PDCL2: variants seen among roughly 807,000 people sequenced by gnomAD.
The protein encoded by PDCL2 is phosducin like 2.
In PDCL2, 23 loss-of-function variants were observed where a neutral mutation model predicts 30.3. That is an observed-to-expected ratio of 0.76 (90% confidence interval 0.55 to 1.08). The LOEUF (loss-of-function observed/expected upper bound fraction) is 1.08. Among genes scored for constraint, PDCL2 ranks in the 50% least tolerant of loss-of-function variants. The probability of loss-of-function intolerance (pLI) is 0.00; values close to 1 mark genes in which losing one functional copy is unlikely to be tolerated. For missense variants in PDCL2, 243 were observed against 282.3 expected, an observed-to-expected ratio of 0.86 and a Z score of 1.00; for synonymous variants, 68 against 86.2, an observed-to-expected ratio of 0.79 and a Z score of 1.17.
chr4:55,561,292 AGG>A (rs1732126612), intron 5 of PDCL2, among the ~76,000 whole-genome samples: 3 of 152,072 alleles, frequency 2.0e-5, no homozygotes, highest in Non-Finnish European at 4.4e-5. Context: ...CCAGGGGCAG[AGG>A]CTCACGTCCG....
intron 1 of PDCL2, among the ~76,000 whole-genome samples, chr4:55,585,248 C>A (rs1732829940): frequency 6.6e-6 from 1 of 152,146 alleles, no homozygotes; most frequent in Admixed American, 6.6e-5. Flanking sequence ...AGATTTAGGG[C>A]TGGGTGCAGT....
chr4:55,590,485 C>G (rs1031249021), intron 1 of PDCL2, among the ~76,000 whole-genome samples: 3 of 137,616 alleles, frequency 2.2e-5, no homozygotes, highest in African/African-American at 8.2e-5. Flanking sequence ...AAGACATGAA[C>G]TATGAATTTT....
intron 4 of PDCL2, among the ~76,000 whole-genome samples, chr4:55,566,032 G>C (rs28673496): frequency 0.32 from 41,473 of 128,430 alleles, 6,537 homozygotes; most frequent in Middle Eastern, 0.52. Context: ...CCAGGCTAGA[G>C]TACAGTGATG....
intron 1 of PDCL2, among the ~76,000 whole-genome samples, chr4:55,586,413 A>C (rs1373115967): frequency 2.6e-5 from 4 of 152,154 alleles, no homozygotes; most frequent in Non-Finnish European, 4.4e-5. Context: ...TGTGTACTTC[A>C]TGCAGGTGGA....
chr4:55,561,232 C>T (rs1732124802), intron 5 of PDCL2, among the ~76,000 whole-genome samples: 1 of 151,984 alleles, frequency 6.6e-6, no homozygotes, highest in Non-Finnish European at 1.5e-5. Context: ...AGGGCAAAAA[C>T]AGCTTTGGGG....
chr4:55,591,855 A>G (rs1733012049), intron 1 of PDCL2, among the ~76,000 whole-genome samples: 1 of 152,250 alleles, frequency 6.6e-6, no homozygotes, highest in African/African-American at 2.4e-5. Context: ...TGTGAAACAC[A>G]ATACGTAACA....
At chr4:55,574,848 T>C (rs965125376) in intron 3 of PDCL2, among the ~76,000 whole-genome samples, 1 of 152,218 alleles carries the variant, frequency 6.6e-6, no homozygotes, top group African/African-American at 2.4e-5. Context: ...TTAGATTGTT[T>C]CCATTTTGAG....
intron 5 of PDCL2, among the ~76,000 whole-genome samples, chr4:55,558,795 A>G (rs1017955169): frequency 3.9e-5 from 6 of 152,228 alleles, no homozygotes; most frequent in African/African-American, 1.2e-4. Context: ...CTTTTATCTG[A>G]CAATTGAAAT....
intron 5 of PDCL2, among the ~76,000 whole-genome samples, chr4:55,558,712 G>A (rs1732048629): frequency 6.6e-6 from 1 of 152,088 alleles, no homozygotes; most frequent in African/African-American, 2.4e-5. Context: ...AATACAGAAA[G>A]CTTTTCAAAA....
At chr4:55,577,523 A>T (rs1266561280) in intron 3 of PDCL2, among the ~76,000 whole-genome samples, 4 of 152,164 alleles carry the variant, frequency 2.6e-5, no homozygotes, top group Admixed American at 6.5e-5. Context: ...TCCTCTGGCA[A>T]CCAGCCCTCA....
At chr4:55,581,060 C>T (rs1732697204) in intron 2 of PDCL2, 149 bp from the exon 3 acceptor site, 1 of 529,620 alleles carries the variant, frequency 1.9e-6, no homozygotes. Context: ...TTTGATAGGT[C>T]GAGGTGGGTG....
At chr4:55,579,769 A>C (rs1371771413) in intron 3 of PDCL2, among the ~76,000 whole-genome samples, 1 of 152,064 alleles carries the variant, frequency 6.6e-6, no homozygotes, top group Non-Finnish European at 1.5e-5. Context: ...AGCCTCAAGC[A>C]ATCCTCCCAC....
Position 55,582,198 on chromosome 4 carries a change from C to T in PDCL2, c.46G>A (p.Asp16Asn), listed in dbSNP as rs755071043. 2.5e-6 allele frequency: 4 copies of T among 1,611,770 alleles called. No individual in the cohort carries two copies. In the East Asian group the frequency reaches 8.9e-5, roughly 36 times the overall value. Residue 16 changes from aspartate (D) to asparagine (N), a missense_variant, in exon 2 of 6, where the codon GAT (aspartate) becomes AAT (asparagine). Physicochemically the swap from Asp to Asn is conservative, Grantham distance 23 (BLOSUM62 1). Coordinates refer to ENST00000295645, the MANE Select transcript of PDCL2 (RefSeq NM_152401.3). Reference protein sequence around the residue: ...EDTEWNDILRDFGILPPKEES... With the variant: ...EDTEWNDILRNFGILPPKEES... ...TCTTTAGGAGGAAGAATGCCGAAAT[C>T]TCTTAAAATGTCATTCCATTCTGTA...
chr4:55,572,708 T>C (rs1450930531), intron 3 of PDCL2, among the ~76,000 whole-genome samples: 1 of 152,192 alleles, frequency 6.6e-6, no homozygotes, highest in Non-Finnish European at 1.5e-5. Flanking sequence ...TCCAAAACCA[T>C]GATGCAAATT....
intron 4 of PDCL2, among the ~76,000 whole-genome samples, chr4:55,565,982 T>TG (rs1158532062): frequency 3.8e-5 from 5 of 132,254 alleles, no homozygotes; most frequent in Admixed American, 1.5e-4. Flanking sequence ...TGTTTTTTTT[T>TG]TTTTTTTTTT....
At chr4:55,585,543 GACAC>G (rs142178791) in intron 1 of PDCL2, among the ~76,000 whole-genome samples, 1 of 125,880 alleles carries the variant, frequency 7.9e-6, no homozygotes, top group Non-Finnish European at 1.8e-5. Flanking sequence ...CACACACACA[GACAC>G]ACACACACAC....
chr4:55,581,061 G>A (rs1231444808), intron 2 of PDCL2, 150 bp from the exon 3 acceptor site: 4 of 528,144 alleles, frequency 7.6e-6, no homozygotes, highest in South Asian at 3.3e-5. Context: ...TTGATAGGTC[G>A]AGGTGGGTGG....
Position 55,590,221 on chromosome 4 carries a change from A to AAAAG in PDCL2, c.6+1882_6+1883insCTTT, listed in dbSNP as rs58241689. 1.3e-4 allele frequency among the ~76,000 whole-genome samples: 19 copies of AAAAG among 145,466 alleles called. No homozygotes were observed. The East Asian group carries it at 1.5e-3, about 11-fold the overall frequency. On this transcript the variant is annotated intron_variant, in intron 1 of 5. Coordinates refer to ENST00000295645, the MANE Select transcript of PDCL2 (RefSeq NM_152401.3). ...CAAAAAAAAAAAAAAAAAAAAAAAA[A>AAAAG]GAGTAAGGTTTGTTGTGCGGATTTC...
intron 1 of PDCL2, among the ~76,000 whole-genome samples, chr4:55,583,138 G>C (rs1200128903): frequency 2.0e-5 from 3 of 151,954 alleles, no homozygotes; most frequent in South Asian, 4.1e-4. Flanking sequence ...ACCAGGCCCA[G>C]CTAATGTTTG....
Sources: gnomAD v4.1 joint callset for allele counts (sites outside exome capture counted in the v4.1 genomes callset) on GRCh38, gnomAD v4.1.1 for gene constraint, MANE v1.5 for transcripts, NCBI Gene and HGNC (gene_info 2026-07-23, HGNC 2026-07-21) for gene names.